Variants in TBKBP1 observed in about 807,000 individuals in gnomAD.
The protein encoded by TBKBP1 is TBK1 binding protein 1, also known as TANK-binding kinase 1-binding protein 1.
A neutral mutation model predicts 69.9 loss-of-function variants in TBKBP1; 47 were observed. The ratio of observed to expected loss-of-function variants is 0.67; its 90% CI spans 0.53 to 0.86. TBKBP1 has a LOEUF of 0.86. Among genes scored for constraint, TBKBP1 ranks in the 40% least tolerant of loss-of-function variants. TBKBP1 has a pLI of 0.00. For synonymous variants in TBKBP1, 418 were observed against 390.3 expected (o/e 1.07, Z -0.84); for missense variants, 831 against 858.6 (o/e 0.97, Z 0.40).
At chr17:47,699,766 T>C in intron 7 of TBKBP1, 69 bp downstream of exon 7, 1 of 1,570,852 alleles carries the variant, frequency 6.4e-7, no homozygotes, top group African/African-American at 1.4e-5. Context: ...CCCTCAGGGG[T>C]GTGGTGTCTG....
In TBKBP1 at chr17:47,700,081, G is replaced by A. The variant is rs372936108; in HGVS notation, c.872+384G>A. Among the ~76,000 whole-genome samples the A allele has an allele frequency of 1.5e-3, 227 of 151,064 alleles. 3 individuals carry two copies. Among genetic ancestry groups the A allele is most frequent in the African/African-American group, 5.2e-3 (216 of 41,146 alleles). On this transcript the variant is annotated intron_variant, in intron 7 of 9. Transcript: ENST00000578982. ...CGGCTCACTGCAAGCTCCGCGTCCTGGTTCACGCCATTCTCCTGCCTCAGC... is the reference window on the plus strand; with the variant it reads ...CGGCTCACTGCAAGCTCCGCGTCCTAGTTCACGCCATTCTCCTGCCTCAGC...
intron 7 of TBKBP1, among the ~76,000 whole-genome samples, chr17:47,706,354 G>A (rs2143334382): frequency 6.6e-6 from 1 of 152,264 alleles, no homozygotes; most frequent in East Asian, 1.9e-4. Context: ...GCCTTCCCTT[G>A]GGGAGTCCCC....
At chr17:47,700,280 C>T (rs996304272) in intron 7 of TBKBP1, among the ~76,000 whole-genome samples, 6 of 61,914 alleles carry the variant, frequency 9.7e-5, no homozygotes, top group African/African-American at 2.6e-4. Context: ...TGAGCCACTG[C>T]GCCCGGACCT....
Position 47,709,156 on chromosome 17 carries a change from T to C in TBKBP1, c.1423T>C (p.Ser475Pro), listed in dbSNP as rs2143362408. Residue 475 changes from serine (S) to proline (P), a missense_variant, in exon 9 of 10, where the codon TCC becomes CCC. Transcript: ENST00000578982. The stretch of plus-strand genomic sequence containing the variant: ...GGAGGGCGCGGCCTACGCGGGCGCC[T>C]CCCCGCCCTGGCTGCAGGCCGAAGC... Reference protein sequence around the residue: ...LAEGAAYAGASPPWLQAEAAT... With the variant: ...LAEGAAYAGAPPPWLQAEAAT... The C allele has an allele frequency of 7.0e-7, 1 of 1,421,226 alleles. No homozygotes were observed. Among genetic ancestry groups the C allele is most frequent in the Non-Finnish European group, 9.1e-7 (1 of 1,096,430 alleles). 88.0% of individuals were successfully genotyped at this position (1,421,226 alleles called of 1,614,324 possible).
chr17:47,709,272 G>A lies in TBKBP1; in HGVS notation c.1539G>A (p.Arg513=). ...LSPRRAFEGI[R]LRFEKQPSEE... is the part of the protein sequence containing the mutation. ...CGCGGCGCGCCTTCGAGGGCATCCG[G>A]CTGCGCTTCGAGAAGCAGCCGTCGG... Residue 513 remains arginine (R), a synonymous_variant, in exon 9 of 10, where the codon CGG becomes CGA. Coordinates refer to ENST00000578982, the MANE Select transcript of TBKBP1 (RefSeq NM_001394755.1). 6.6e-7 allele frequency: 1 copy of A among 1,524,052 alleles called. No individual in the cohort carries two copies. Among genetic ancestry groups the A allele is most frequent in the Non-Finnish European group, 8.7e-7 (1 of 1,144,010 alleles). The allele number at this position is 1,524,052 out of a possible 1,614,324, so 94.4% of individuals were successfully genotyped here. A position where few individuals can be genotyped will look rare whatever the true frequency, so the allele number is the denominator to read the frequency against.
At chr17:47,698,522 C>A in intron 4 of TBKBP1, 73 bp from the exon 5 acceptor site, 1 of 1,454,696 alleles carries the variant, frequency 6.9e-7, no homozygotes, top group South Asian at 1.3e-5. Context: ...CTGCTGTAGT[C>A]TGGGGTGATG....
At position 47,710,491 on chromosome 17, in the gene TBKBP1, T is replaced by C. The variant is rs1162095914; in HGVS notation, c.1720-7T>C. 1 of 1,605,468 alleles carries C rather than the reference T, an allele frequency of 6.2e-7. No individual in the cohort carries two copies. Among genetic ancestry groups the C allele is most frequent in the African/African-American group, 1.3e-5 (1 of 74,898 alleles). On this transcript the variant is annotated splice_region_variant and splice_polypyrimidine_tract_variant and intron_variant, in intron 9 of 9. Coordinates refer to ENST00000578982, the MANE Select transcript of TBKBP1 (RefSeq NM_001394755.1). ...GGACCATAAGTGACTTCCTTCTCTC[T>C]CGACAGTTGCTGATGGAGACGGTGG... is the stretch of plus-strand genomic sequence containing the variant.
chr17:47,694,351 C>T (rs2031115130), intron 1 of TBKBP1, among the ~76,000 whole-genome samples, 157 bp downstream of exon 1: 1 of 151,676 alleles, frequency 6.6e-6, no homozygotes, highest in Non-Finnish European at 1.5e-5. Flanking sequence ...CGCCCTCATC[C>T]CCTCGCGTCC....
At chr17:47,710,359 G>A (rs779710481) in intron 9 of TBKBP1, 139 bp from the exon 10 acceptor site, 413 of 1,130,952 alleles carry the variant, frequency 3.7e-4, no homozygotes, top group Non-Finnish European at 4.7e-4. Context: ...GGGGGAGGAC[G>A]GTGCTGAAGA....
chr17:47,710,027 C>T (rs952620775), intron 9 of TBKBP1, among the ~76,000 whole-genome samples: 1 of 152,148 alleles, frequency 6.6e-6, no homozygotes, highest in African/African-American at 2.4e-5. Flanking sequence ...TTCTGTCTGT[C>T]CTGAAAGACA....
In TBKBP1 at chr17:47,709,296, G is replaced by C. The variant is rs1377584465; in HGVS notation, c.1563G>C (p.Ser521=). The change falls in exon 9 of 10, where the codon TCG becomes TCC. Residue 521 remains serine (S), a synonymous_variant. Coordinates refer to ENST00000578982, the MANE Select transcript of TBKBP1 (RefSeq NM_001394755.1). ...GIRLRFEKQP[S]EEDEWAVPTS... ...GGCTGCGCTTCGAGAAGCAGCCGTC[G>C]GAGGAGGACGAGTGGGCTGTGCCCA... 1 of 1,528,544 alleles carries C rather than the reference G, an allele frequency of 6.5e-7. No individual in the cohort carries two copies. The highest frequency in any genetic ancestry group is 8.7e-7 in the Non-Finnish European group (1 of 1,145,578). The allele number at this position is 1,528,544 out of a possible 1,614,324, so 94.7% of individuals were successfully genotyped here.
intron 7 of TBKBP1, among the ~76,000 whole-genome samples, chr17:47,705,576 A>G (rs1163665927): frequency 6.6e-6 from 1 of 152,246 alleles, no homozygotes; most frequent in Non-Finnish European, 1.5e-5. Flanking sequence ...AGCAGTCATG[A>G]TGGTGAAAAA....
In TBKBP1 at chr17:47,698,681, C is replaced by G. The variant is rs1176119506; in HGVS notation, c.540C>G (p.Phe180Leu). ...RQQQGLQDAA[F>L]SNLSPPPAPA... ...AGCAAGGCCTCCAGGATGCAGCCTT[C>G]TCCAACCTGAGCCCACCGCCAGCCC... Residue 180 changes from phenylalanine to leucine, a missense_variant, in exon 5 of 10, where the codon TTC becomes TTG. Phe to Leu is a conservative substitution (Grantham distance 22). Transcript: ENST00000578982. The G allele has an allele frequency of 6.9e-6, 11 of 1,605,250 alleles. No individual in the cohort carries two copies. The Middle Eastern group carries it at 6.6e-4, about 96-fold the overall frequency.
chr17:47,708,228 C>T lies in TBKBP1; in HGVS notation c.873-166C>T, dbSNP rs1391697553. Among the ~76,000 whole-genome samples the T allele has an allele frequency of 6.6e-6, 1 of 152,148 alleles. No homozygotes were observed. The highest frequency in any genetic ancestry group is 6.5e-5 in the Admixed American group (1 of 15,286). On this transcript the variant is annotated intron_variant, in intron 7 of 9. Coordinates refer to ENST00000578982, the MANE Select transcript of TBKBP1 (RefSeq NM_001394755.1). This position sits in a 1 kb window ranked among gnomAD's most constrained non-coding sequence, Gnocchi z 4.4. ...CTCCCTGGAAGAGGTGGCTTTTGAG[C>T]TGGACCTTAAAGGTAGGGAGGATTT...
intron 1 of TBKBP1, among the ~76,000 whole-genome samples, 190 bp downstream of exon 1, chr17:47,694,384 C>T (rs574582906): frequency 2.6e-5 from 4 of 151,892 alleles, no homozygotes; most frequent in African/African-American, 9.7e-5. Context: ...GTTCCTCAGG[C>T]CGCGCCACTC....
In TBKBP1 at chr17:47,696,125, T is replaced by G. The variant is rs1225038163; in HGVS notation, c.13T>G (p.Phe5Val). Residue 5 changes from phenylalanine (F) to valine (V), a missense_variant, in exon 2 of 10, where the codon TTC becomes GTC. By Grantham distance (50) the Phe-to-Val change is conservative. Transcript: ENST00000578982. ...CCCGGCCCTCACCATGGAGTCCATG[T>G]TCGAGGACGACATCAGCATCCTGAC... MESM[F>V]EDDISILTQE... The G allele has an allele frequency of 1.9e-6, 3 of 1,611,516 alleles. No homozygotes were observed. Among genetic ancestry groups the G allele is most frequent in the Non-Finnish European group, 2.5e-6 (3 of 1,179,220 alleles).
Position 47,699,315 on chromosome 17 carries a change from G to A in TBKBP1, c.635-5G>A, listed in dbSNP as rs1326155102. On this transcript the variant is annotated splice_polypyrimidine_tract_variant and splice_region_variant and intron_variant, in intron 5 of 9. Coordinates refer to ENST00000578982, the MANE Select transcript of TBKBP1 (RefSeq NM_001394755.1). ...CTCGCCTGACGTTGTCCTGTCCACC[G>A]ACAGCAGGCTGGCCGGGCTCCACAC... 3.9e-6 allele frequency: 6 copies of A among 1,520,310 alleles called. No homozygotes were observed. The highest frequency in any genetic ancestry group is 5.3e-6 in the Non-Finnish European group (6 of 1,139,986). The allele number at this position is 1,520,310 out of a possible 1,614,324, so 94.2% of individuals were successfully genotyped here.
intron 7 of TBKBP1, among the ~76,000 whole-genome samples, chr17:47,704,885 C>T (rs992682291): frequency 6.6e-6 from 1 of 152,192 alleles, no homozygotes; most frequent in African/African-American, 2.4e-5. Flanking sequence ...GCCCAGGGGG[C>T]CCTCCTTCCT....
At chr17:47,709,666 G>A (rs916334956) in intron 9 of TBKBP1, among the ~76,000 whole-genome samples, 1 of 152,356 alleles carries the variant, frequency 6.6e-6, no homozygotes, top group African/African-American at 2.4e-5. Flanking sequence ...TTAAGATTTC[G>A]TTCATTTCCT....
Sources: allele counts gnomAD v4.1 joint callset (sites outside exome capture counted in the v4.1 genomes callset), GRCh38; gene constraint gnomAD v4.1.1; non-coding constraint Gnocchi (gnomAD v3.1); transcripts MANE v1.5; gene names NCBI Gene and HGNC (gene_info 2026-07-23, HGNC 2026-07-21).